GPR141: variants seen among roughly 807,000 people sequenced by gnomAD.
GPR141 encodes the protein probable G protein-coupled receptor 141.
In GPR141, 6 loss-of-function variants were observed where a neutral mutation model predicts 6.8. The observed-to-expected ratio is 0.88, with a 90% confidence interval of 0.48 to 1.74. The LOEUF is 1.74. Among genes scored for constraint, GPR141 ranks in the 40% most tolerant of loss-of-function variants. The probability of loss-of-function intolerance (pLI) is 0.01; values close to 1 mark genes in which losing one functional copy is unlikely to be tolerated. For synonymous variants in GPR141, 140 were observed against 142.3 expected (o/e 0.98, Z 0.11); for missense variants, 372 against 372.9 (o/e 1.00, Z 0.02).
At chr7:37,688,806 T>C (rs1293863783) in intron 2 of GPR141, among the ~76,000 whole-genome samples, 1 of 152,202 alleles carries the variant, frequency 6.6e-6, no homozygotes, top group African/African-American at 2.4e-5. Flanking sequence ...CTTCCATTAA[T>C]ACCACTAAAG....
rs1447553340 is a variant in GPR141 at position 37,683,808 on chromosome 7, T to G, written c.-234T>G. On this transcript the variant is annotated 5_prime_UTR_variant, in exon 1 of 3. The change abolishes an upstream ATG in the 5' untranslated region. Transcript: ENST00000334425. ...TGCAAATGCATGCAGAGCATGGAAA[T>G]GACCCAGCTGCCCTGCTGTTGAAAC... 2 of 152,204 alleles carry G rather than the reference T, an allele frequency of 1.3e-5. No individual in the cohort carries two copies. The highest frequency in any genetic ancestry group is 2.9e-5 in the Non-Finnish European group (2 of 68,056). The allele number at this position is 152,204 out of a possible 1,614,324, so 9.4% of individuals were successfully genotyped here.
intron 2 of GPR141, among the ~76,000 whole-genome samples, chr7:37,738,169 C>T (rs1040835566): frequency 6.6e-6 from 1 of 152,176 alleles, no homozygotes; most frequent in African/African-American, 2.4e-5. Flanking sequence ...TAATACATTA[C>T]ACAATTAACT....
chr7:37,687,078 C>G (rs1809543495), intron 2 of GPR141, among the ~76,000 whole-genome samples: 1 of 152,050 alleles, frequency 6.6e-6, no homozygotes, highest in African/African-American at 2.4e-5. Context: ...CACCACTCTG[C>G]TCCCTGATAA....
chr7:37,738,058 A>G (rs73118910), intron 2 of GPR141, among the ~76,000 whole-genome samples: 44,678 of 152,108 alleles, frequency 0.29, 7,329 homozygotes, highest in Middle Eastern at 0.38. Context: ...TCTCCATAAT[A>G]TATAATAATG....
In GPR141 at chr7:37,743,022, T is replaced by C. The variant is rs1255757098; in HGVS notation, c.*1711T>C. ...ACATAGGCTTGTGGGTTTTTGCTTT[T>C]TGGGTTTTTTTTGCTCCTGCCCATA... On this transcript the variant is annotated 3_prime_UTR_variant, in exon 3 of 3. Transcript: ENST00000334425. Among the ~76,000 whole-genome samples the C allele has an allele frequency of 6.6e-6, 1 of 152,158 alleles. No homozygotes were observed. Among genetic ancestry groups the C allele is most frequent in the Non-Finnish European group, 1.5e-5 (1 of 68,012 alleles).
chr7:37,688,105 T>C (rs143918642), intron 2 of GPR141, among the ~76,000 whole-genome samples: 3 of 152,118 alleles, frequency 2.0e-5, no homozygotes, highest in African/African-American at 7.3e-5. Flanking sequence ...TGCTGGCCCA[T>C]GAACTATATT....
At chr7:37,735,865 C>T (rs1266444806) in intron 2 of GPR141, among the ~76,000 whole-genome samples, 3 of 152,022 alleles carry the variant, frequency 2.0e-5, no homozygotes, top group Non-Finnish European at 4.4e-5. Flanking sequence ...ATGTGTAAGA[C>T]CGACACAGCC....
chr7:37,683,988 A>G (rs1462259416), intron 1 of GPR141, 85 bp downstream of exon 1: 2 of 150,648 alleles, frequency 1.3e-5, no homozygotes, highest in Non-Finnish European at 2.9e-5. Flanking sequence ...GCATAGTCCT[A>G]ATTCAGAATC....
intron 2 of GPR141, among the ~76,000 whole-genome samples, chr7:37,737,952 G>T (rs1196929959): frequency 6.6e-6 from 1 of 152,172 alleles, no homozygotes; most frequent in Non-Finnish European, 1.5e-5. Flanking sequence ...AGATATGTTG[G>T]CATACAGCCA....
chr7:37,697,884 T>A (rs953825132), intron 2 of GPR141, among the ~76,000 whole-genome samples: 1 of 152,156 alleles, frequency 6.6e-6, no homozygotes, highest in African/African-American at 2.4e-5. Context: ...TCATCTTGTA[T>A]AGTAAGTGCC....
chr7:37,717,267 G>A (rs1354792746), intron 2 of GPR141, among the ~76,000 whole-genome samples: 1 of 152,240 alleles, frequency 6.6e-6, no homozygotes, highest in Non-Finnish European at 1.5e-5. Flanking sequence ...GCTACAAAAG[G>A]AAAGCTCAGT....
At chr7:37,696,142 AAC>A (rs1453133213) in intron 2 of GPR141, among the ~76,000 whole-genome samples, 1 of 152,218 alleles carries the variant, frequency 6.6e-6, no homozygotes, top group African/African-American at 2.4e-5. Context: ...CTCAGTAGAA[AAC>A]AGACTCTGAA....
intron 2 of GPR141, among the ~76,000 whole-genome samples, chr7:37,736,238 C>A (rs1237794174): frequency 3.9e-4 from 58 of 150,226 alleles, no homozygotes; most frequent in African/African-American, 1.3e-3. Context: ...GGTGACAGAG[C>A]AAGACTCTTT....
rs939002123 is a variant in GPR141 at position 37,742,855 on chromosome 7, A to G, written c.*1544A>G. ...CATGTACCCCTGAACTTAAAATAAAATTTAAAGTAATAATAATAAAATAAT... is the reference window on the plus strand; with the variant it reads ...CATGTACCCCTGAACTTAAAATAAAGTTTAAAGTAATAATAATAAAATAAT... On this transcript the variant is annotated 3_prime_UTR_variant, in exon 3 of 3. Coordinates refer to ENST00000334425, the MANE Select transcript of GPR141 (RefSeq NM_001381946.1). 1.3e-5 allele frequency among the ~76,000 whole-genome samples: 2 copies of G among 152,216 alleles called. No homozygotes were observed. Among genetic ancestry groups the G allele is most frequent in the African/African-American group, 4.8e-5 (2 of 41,472 alleles).
intron 1 of GPR141, 83 bp downstream of exon 1, chr7:37,683,986 C>T (rs942158040): frequency 6.6e-6 from 1 of 152,132 alleles, no homozygotes. Context: ...TGGCATAGTC[C>T]TAATTCAGAA....
At chr7:37,708,326 A>AC (rs1232953968) in intron 2 of GPR141, among the ~76,000 whole-genome samples, 7 of 151,184 alleles carry the variant, frequency 4.6e-5, no homozygotes, top group South Asian at 2.1e-4. Flanking sequence ...AAAAAAAAAA[A>AC]AAAAAAAAAC....
chr7:37,716,994 T>C (rs1192719463), intron 2 of GPR141, among the ~76,000 whole-genome samples: 1 of 152,202 alleles, frequency 6.6e-6, no homozygotes, highest in Non-Finnish European at 1.5e-5. Flanking sequence ...CTCAGCTCTA[T>C]GTAAGCTTCC....
Position 37,740,929 on chromosome 7 carries a change from A to G in GPR141, c.536A>G (p.Lys179Arg). ...FHKELAYTYV[K>R]IINYMIVIFV... ...AAAGAGCTTGCTTACACATATGTGA[A>G]AATCATCAACTATATGATAGTCATT... is the stretch of plus-strand genomic sequence containing the variant. The change falls in exon 3 of 3, where the codon AAA (lysine) becomes AGA (arginine). Residue 179 changes from lysine (K) to arginine (R), a missense_variant. Physicochemically the swap from Lys to Arg is conservative, Grantham distance 26 (BLOSUM62 2). Coordinates refer to ENST00000334425, the MANE Select transcript of GPR141 (RefSeq NM_001381946.1). The G allele has an allele frequency of 6.2e-7, 1 of 1,614,154 alleles. No homozygotes were observed. The highest frequency in any genetic ancestry group is 8.5e-7 in the Non-Finnish European group (1 of 1,179,986).
chr7:37,721,173 C>G (rs1173116847), intron 2 of GPR141, among the ~76,000 whole-genome samples: 1 of 152,070 alleles, frequency 6.6e-6, no homozygotes, highest in Non-Finnish European at 1.5e-5. Flanking sequence ...CAGCCTGGGT[C>G]TCCAATTTCA....
Sources: allele counts gnomAD v4.1 joint callset (sites outside exome capture counted in the v4.1 genomes callset), GRCh38; gene constraint gnomAD v4.1.1; transcripts MANE v1.5; gene names NCBI Gene and HGNC (gene_info 2026-07-23, HGNC 2026-07-21).